Variants in CGB7 observed in about 807,000 individuals in gnomAD.
CGB7 encodes the protein chorionic gonadotropin subunit beta 7, also known as choriogonadotropin subunit beta 7.
CGB7 carries 6 observed loss-of-function variants against 7.3 expected under a neutral mutation model. The ratio of observed to expected loss-of-function variants is 0.82; its 90% CI spans 0.45 to 1.62. CGB7 has a LOEUF of 1.62. CGB7 is among the 40% of genes most tolerant of loss of function. The probability of loss-of-function intolerance (pLI) is 0.01; values close to 1 mark genes in which losing one functional copy is unlikely to be tolerated. For missense variants in CGB7, 114 were observed against 236.2 expected (o/e 0.48, Z 3.39); for synonymous variants, 47 against 100.8 (o/e 0.47, Z 3.20).
chr19:49,056,243 T>G lies in CGB7; in HGVS notation c.-868A>C, dbSNP rs2040061075. On this transcript the variant is annotated 5_prime_UTR_variant, in exon 3 of 5. Transcript: ENST00000684222. ...CTCCGCCCCCACGCCAGGGGGCGTG[T>G]CTGGGGTGGGGCTGGCCCGGCAGGC... 1 of 1,289,196 alleles carries G rather than the reference T, an allele frequency of 7.8e-7. No individual in the cohort carries two copies. Among genetic ancestry groups the G allele is most frequent in the Non-Finnish European group, 1.0e-6 (1 of 988,768 alleles). 79.9% of individuals were successfully genotyped at this position (1,289,196 alleles called of 1,614,324 possible).
chr19:49,055,689 T>A lies in CGB7; in HGVS notation c.-314A>T. The stretch of plus-strand genomic sequence containing the variant: ...GTGTAGGAAGGCCTGCCTCTGCCTA[T>A]GGTGGGGTCTTGGGAACCAGGAGGA... On this transcript the variant is annotated 5_prime_UTR_variant, in exon 3 of 5. Coordinates refer to ENST00000684222, the MANE Select transcript of CGB7 (RefSeq NM_001385261.1). 1 of 1,319,808 alleles carries A rather than the reference T, an allele frequency of 7.6e-7. No individual in the cohort carries two copies. Among genetic ancestry groups the A allele is most frequent in the Non-Finnish European group, 9.7e-7 (1 of 1,028,726 alleles). 81.8% of individuals were successfully genotyped at this position (1,319,808 alleles called of 1,614,324 possible).
chr19:49,057,728 G>A lies in CGB7; in HGVS notation c.-1615C>T, dbSNP rs141939188. On this transcript the variant is annotated 5_prime_UTR_variant, in exon 1 of 5. Transcript: ENST00000684222. The stretch of plus-strand genomic sequence containing the variant: ...CCTGAAGGCGAGTTTCCAGCCCCTG[G>A]TCCTTCTGGCCTGGCGTGGATGCCC... The A allele has an allele frequency of 4.6e-6, 6 of 1,314,274 alleles. No homozygotes were observed. In the African/African-American group the frequency reaches 7.6e-5, roughly 17 times the overall value. 81.4% of individuals were successfully genotyped at this position (1,314,274 alleles called of 1,614,324 possible).
At position 49,055,836 on chromosome 19, in the gene CGB7, G is replaced by A; in HGVS notation, c.-461C>T. On this transcript the variant is annotated 5_prime_UTR_variant, in exon 3 of 5. Transcript: ENST00000684222. ...TTCGGACTTAGCTTCTGCCCAGTGA[G>A]AGAGGGTCTCCCCGTGACTGTGCTG... The A allele has an allele frequency of 2.8e-6, 3 of 1,089,192 alleles. No individual in the cohort carries two copies. Among genetic ancestry groups the A allele is most frequent in the African/African-American group, 3.3e-5 (2 of 60,630 alleles). 67.5% of individuals were successfully genotyped at this position (1,089,192 alleles called of 1,614,324 possible).
intron 3 of CGB7, 50 bp from the exon 4 acceptor site, chr19:49,055,058 C>T (rs760436493): frequency 3.7e-6 from 6 of 1,600,710 alleles, no homozygotes; most frequent in South Asian, 1.1e-5. Context: ...AGCCCTGAGC[C>T]CTGGCCTTCC....
chr19:49,056,234 G>A lies in CGB7; in HGVS notation c.-859C>T. ...AGAGCTCTGCTCCGCCCCCACGCCA[G>A]GGGGCGTGTCTGGGGTGGGGCTGGC... On this transcript the variant is annotated 5_prime_UTR_variant, in exon 3 of 5. Coordinates refer to ENST00000684222, the MANE Select transcript of CGB7 (RefSeq NM_001385261.1). 7.8e-7 allele frequency: 1 copy of A among 1,288,174 alleles called. No homozygotes were observed. Among genetic ancestry groups the A allele is most frequent in the Non-Finnish European group, 1.0e-6 (1 of 988,120 alleles). 79.8% of individuals were successfully genotyped at this position (1,288,174 alleles called of 1,614,324 possible).
rs1202961468 is a variant in CGB7 at position 49,056,350 on chromosome 19, G to A, written c.-975C>T. On this transcript the variant is annotated 5_prime_UTR_variant, in exon 3 of 5. Coordinates refer to ENST00000684222, the MANE Select transcript of CGB7 (RefSeq NM_001385261.1). ...TCGGGACGCTGTGTATGCCCGGCAG[G>A]GGCTTCCAGTGGGGGCCACCCCAAG... 3.3e-5 allele frequency: 43 copies of A among 1,295,348 alleles called. No homozygotes were observed. The highest frequency in any genetic ancestry group is 4.0e-5 in the Non-Finnish European group (40 of 992,372). 80.2% of individuals were successfully genotyped at this position (1,295,348 alleles called of 1,614,324 possible). A position where few individuals can be genotyped will look rare whatever the true frequency, so the allele number is the denominator to read the frequency against.
intron 2 of CGB7, 66 bp downstream of exon 2, chr19:49,057,055 G>A (rs1389190600): frequency 1.3e-6 from 2 of 1,493,588 alleles, no homozygotes; most frequent in Non-Finnish European, 1.8e-6. Context: ...CAGCCCAGGG[G>A]CTCGGCGTGC....
chr19:49,056,846 G>C (rs1361102702), intron 2 of CGB7, among the ~76,000 whole-genome samples: 1 of 152,152 alleles, frequency 6.6e-6, no homozygotes, highest in Non-Finnish European at 1.5e-5. Flanking sequence ...AGCATGTGGG[G>C]GCTCAAGTAC....
rs1251039846 is a variant in CGB7, at chr19:49,055,802, G to C, written c.-427C>G. 9.1e-7 allele frequency: 1 copy of C among 1,102,334 alleles called. No homozygotes were observed. Among genetic ancestry groups the C allele is most frequent in the African/African-American group, 1.6e-5 (1 of 61,160 alleles). The allele number at this position is 1,102,334 out of a possible 1,614,324, so 68.3% of individuals were successfully genotyped here. A position where few individuals can be genotyped will look rare whatever the true frequency, so the allele number is the denominator to read the frequency against. The stretch of plus-strand genomic sequence containing the variant: ...GCACCACAGTCCAACCTAACAGGAG[G>C]GGCGCGGCTTCGGACTTAGCTTCTG... On this transcript the variant is annotated 5_prime_UTR_variant, in exon 3 of 5. Coordinates refer to ENST00000684222, the MANE Select transcript of CGB7 (RefSeq NM_001385261.1).
Position 49,055,972 on chromosome 19 carries a change from G to C in CGB7, c.-597C>G, listed in dbSNP as rs373795631. The C allele has an allele frequency of 2.7e-6, 3 of 1,108,194 alleles. No individual in the cohort carries two copies. Among genetic ancestry groups the C allele is most frequent in the Non-Finnish European group, 3.3e-6 (3 of 898,596 alleles). 68.6% of individuals were successfully genotyped at this position (1,108,194 alleles called of 1,614,324 possible). ...ACCCTCAAGCCAGGATGCCCGGAGC[G>C]GTCCCCGGAAATGCGTGTGCTTCAG... On this transcript the variant is annotated 5_prime_UTR_variant, in exon 3 of 5. Coordinates refer to ENST00000684222, the MANE Select transcript of CGB7 (RefSeq NM_001385261.1).
rs1192592534 is a variant in CGB7 at position 49,056,186 on chromosome 19, C to A, written c.-811G>T. On this transcript the variant is annotated 5_prime_UTR_variant, in exon 3 of 5. Coordinates refer to ENST00000684222, the MANE Select transcript of CGB7 (RefSeq NM_001385261.1). ...TGAGTGCGAGCCCACCTAGGTCCGA[C>A]ACCGCGTAGTGAGCGGCTGCCCAGA... The A allele has an allele frequency of 1.6e-6, 2 of 1,269,030 alleles. No individual in the cohort carries two copies. The highest frequency in any genetic ancestry group is 2.5e-5 in the Admixed American group (1 of 40,240). 78.6% of individuals were successfully genotyped at this position (1,269,030 alleles called of 1,614,324 possible).
chr19:49,055,388 C>T lies in CGB7; in HGVS notation c.-13G>A, dbSNP rs373535002. 6.2e-7 allele frequency: 1 copy of T among 1,613,510 alleles called. No homozygotes were observed. The highest frequency in any genetic ancestry group is 8.5e-7 in the Non-Finnish European group (1 of 1,179,770). ...GGAACATCTCCATCCTTGGTGCGTC[C>T]CCTGCCTGGTGTACCTGGCTTTATA... On this transcript the variant is annotated 5_prime_UTR_variant, in exon 3 of 5. Transcript: ENST00000684222.
At position 49,056,407 on chromosome 19, in the gene CGB7, G is replaced by C. The variant is rs1194085796; in HGVS notation, c.-1032C>G. On this transcript the variant is annotated 5_prime_UTR_variant, in exon 3 of 5. Transcript: ENST00000684222. ...CCAGCGGGCGGAAGCGGTCGAGCCG[G>C]CGGAGCGGGTGCGGCGAGGAGCTGT... The C allele has an allele frequency of 3.1e-6, 4 of 1,296,376 alleles. No homozygotes were observed. Among genetic ancestry groups the C allele is most frequent in the Admixed American group, 2.3e-5 (1 of 43,870 alleles). 80.3% of individuals were successfully genotyped at this position (1,296,376 alleles called of 1,614,324 possible). A position where few individuals can be genotyped will look rare whatever the true frequency, so the allele number is the denominator to read the frequency against.
rs1384063375 is a variant in CGB7, at chr19:49,056,104, C to T, written c.-729G>A. 3.4e-6 allele frequency: 4 copies of T among 1,182,646 alleles called. No homozygotes were observed. The highest frequency in any genetic ancestry group is 3.6e-5 in the Admixed American group (1 of 27,660). 73.3% of individuals were successfully genotyped at this position (1,182,646 alleles called of 1,614,324 possible). On this transcript the variant is annotated 5_prime_UTR_variant, in exon 3 of 5. Transcript: ENST00000684222. ...CTTAGTCCCTTCCCCGCGATCCAGC[C>T]GCAGCTGAGTGGGCGTGTCTGGGCT...
chr19:49,057,092 A>T, intron 2 of CGB7, 29 bp downstream of exon 2: 1 of 1,530,078 alleles, frequency 6.5e-7, no homozygotes, highest in Non-Finnish European at 8.7e-7. Flanking sequence ...GCTGTGCAGG[A>T]GGCGGTGCCG....
Position 49,057,528 on chromosome 19 carries a change from C to T in CGB7, c.-1415G>A. The T allele has an allele frequency of 1.7e-6, 2 of 1,205,918 alleles. No homozygotes were observed. The highest frequency in any genetic ancestry group is 2.1e-6 in the Non-Finnish European group (2 of 962,722). 74.7% of individuals were successfully genotyped at this position (1,205,918 alleles called of 1,614,324 possible). ...TGCAGGCCCCCAGCCACCACAAAAT[C>T]CCCCTGGTTCTGCCCCCGGTCTCAA... On this transcript the variant is annotated 5_prime_UTR_variant, in exon 1 of 5. Transcript: ENST00000684222.
At chr19:49,055,040 G>A in intron 3 of CGB7, 32 bp from the exon 4 acceptor site, 1 of 1,601,156 alleles carries the variant, frequency 6.2e-7, no homozygotes, top group East Asian at 2.2e-5. Context: ...ACCCGGGCCT[G>A]AGACCACAGC....
rs1555731822 is a variant in CGB7, at chr19:49,054,830, G to A, written c.183+11C>T. On this transcript the variant is annotated intron_variant, in intron 4 of 4. Transcript: ENST00000684222. ...AGGTGGCAGCACCTGCCCGGGCCCC[G>A]GGCAGCTCACCATGGTGGGGCAGTA... 1.2e-5 allele frequency: 19 copies of A among 1,577,550 alleles called. No individual in the cohort carries two copies. The East Asian group carries it at 1.6e-4, about 13-fold the overall frequency.
rs2040046884 is a variant in CGB7, at chr19:49,055,476, A to T, written c.-101T>A. ...TGTAGGATGCTGGAGTGAGCTGGAC[A>T]CTAACCCTTCGGGGGGCGAGAAGTA... On this transcript the variant is annotated 5_prime_UTR_variant, in exon 3 of 5. Coordinates refer to ENST00000684222, the MANE Select transcript of CGB7 (RefSeq NM_001385261.1). 1 of 1,607,394 alleles carries T rather than the reference A, an allele frequency of 6.2e-7. No homozygotes were observed. The highest frequency in any genetic ancestry group is 1.7e-5 in the Admixed American group (1 of 59,846).
Sources: allele counts gnomAD v4.1 joint callset (sites outside exome capture counted in the v4.1 genomes callset), GRCh38; gene constraint gnomAD v4.1.1; transcripts MANE v1.5; gene names NCBI Gene and HGNC (gene_info 2026-07-23, HGNC 2026-07-21).